Variants in STARD9 observed in about 807,000 individuals in gnomAD.
STARD9 encodes the protein StAR related lipid transfer domain containing 9, also known as stAR-related lipid transfer protein 9.
STARD9 carries 346 observed loss-of-function variants against 399.8 expected under a neutral mutation model. That is an observed-to-expected ratio of 0.87 (90% CI 0.79 to 0.95). STARD9 has a LOEUF of 0.95. Among genes scored for constraint, STARD9 ranks in the 40% least tolerant of loss-of-function variants. The probability of loss-of-function intolerance (pLI) is 0.00; values close to 1 mark genes in which losing one functional copy is unlikely to be tolerated. For synonymous variants in STARD9, 2,203 were observed against 2,143.5 expected, an observed-to-expected ratio of 1.03 and a Z score of -0.77; for missense variants, 5,832 against 5,667.5, an observed-to-expected ratio of 1.03 and a Z score of -0.93.
At chr15:42,637,740 G>A (rs1475751222) in intron 4 of STARD9, among the ~76,000 whole-genome samples, 167 bp from the exon 5 acceptor site, 3 of 152,132 alleles carry the variant, frequency 2.0e-5, no homozygotes, top group Non-Finnish European at 4.4e-5. Flanking sequence ...CAGAGCACTG[G>A]CACATAAAAG....
Position 42,694,330 on chromosome 15 carries a change from A to G in STARD9, c.12752A>G (p.Glu4251Gly), listed in dbSNP as rs1300141056. 1 of 1,524,418 alleles carries G rather than the reference A, an allele frequency of 6.6e-7. No individual in the cohort carries two copies. Among genetic ancestry groups the G allele is most frequent in the Non-Finnish European group, 8.8e-7 (1 of 1,139,522 alleles). The allele number at this position is 1,524,418 out of a possible 1,614,324, so 94.4% of individuals were successfully genotyped here. A position where few individuals can be genotyped will look rare whatever the true frequency, so the allele number is the denominator to read the frequency against. ...GAACCTGTGACATCCACCTGGAAGG[A>G]GCTCTATGCACGGTAAGGACCCCCA... Reference protein sequence around the residue: ...ADEPVTSTWKELYARQKKAIE... With the variant: ...ADEPVTSTWKGLYARQKKAIE... Residue 4251 changes from glutamate (E) to glycine (G), a missense_variant, in exon 23 of 33, where the codon GAG becomes GGG. Coordinates refer to ENST00000290607, the MANE Select transcript of STARD9 (RefSeq NM_020759.3).
intron 26 of STARD9, among the ~76,000 whole-genome samples, chr15:42,700,982 C>A (rs532584458): frequency 3.3e-5 from 5 of 152,220 alleles, no homozygotes; most frequent in African/African-American, 1.2e-4. Flanking sequence ...ATGTGGATAT[C>A]CAGTTTTCTC....
Position 42,661,256 on chromosome 15 carries a change from A to C in STARD9, c.770+31A>C, listed in dbSNP as rs552708360. 724 of 1,439,336 alleles carry C rather than the reference A, an allele frequency of 5.0e-4. 1 individual carries two copies. Among genetic ancestry groups the C allele is most frequent in the Non-Finnish European group, 6.2e-4 (656 of 1,057,910 alleles). The allele number at this position is 1,439,336 out of a possible 1,614,324, so 89.2% of individuals were successfully genotyped here. ...TAGGATTTTAAAGCTAAGGGGAATT[A>C]CTCTTGTTCTTGCCTGTTTTACAGG... On this transcript the variant is annotated intron_variant, in intron 10 of 32. Coordinates refer to ENST00000290607, the MANE Select transcript of STARD9 (RefSeq NM_020759.3).
At chr15:42,628,413 T>C (rs558299614) in intron 3 of STARD9, among the ~76,000 whole-genome samples, 1 of 152,354 alleles carries the variant, frequency 6.6e-6, no homozygotes, top group East Asian at 1.9e-4. Flanking sequence ...TCCTTTGCTA[T>C]GCAGAAGCTT....
At position 42,686,072 on chromosome 15, in the gene STARD9, T is replaced by C. The variant is rs2060548646; in HGVS notation, c.4494T>C (p.Pro1498=). Residue 1498 remains proline (P), a synonymous_variant, in exon 23 of 33, where the codon CCT becomes CCC. Coordinates refer to ENST00000290607, the MANE Select transcript of STARD9 (RefSeq NM_020759.3). The part of the protein sequence containing the change: ...QQKYLLELSC[P]VLEAIGAPKP... ...AGTACCTCCTTGAACTCTCTTGTCC[T>C]GTTTTGGAGGCCATAGGAGCACCCA... 2.0e-6 allele frequency: 3 copies of C among 1,537,148 alleles called. No homozygotes were observed. The African/African-American group carries it at 4.1e-5, about 21-fold the overall frequency.
intron 1 of STARD9, among the ~76,000 whole-genome samples, chr15:42,580,312 TAGTTTTA>T (rs1417544253): frequency 2.1e-4 from 32 of 152,164 alleles, no homozygotes; most frequent in Non-Finnish European, 3.2e-4. Flanking sequence ...TCCCCCCTGC[TAGTTTTA>T]AAGACCCCAA....
At chr15:42,611,825 C>A (rs1374139715) in intron 3 of STARD9, among the ~76,000 whole-genome samples, 1 of 152,178 alleles carries the variant, frequency 6.6e-6, no homozygotes, top group Non-Finnish European at 1.5e-5. Flanking sequence ...TCAGCAGTCA[C>A]ACAGCCAAGC....
At position 42,685,946 on chromosome 15, in the gene STARD9, A is replaced by T. The variant is rs145900049; in HGVS notation, c.4368A>T (p.Ala1456=). The change falls in exon 23 of 33, where the codon GCA becomes GCT. Residue 1456 remains alanine (A), a synonymous_variant. Coordinates refer to ENST00000290607, the MANE Select transcript of STARD9 (RefSeq NM_020759.3). The stretch of plus-strand genomic sequence containing the variant: ...TGACCCAGCAGGGCAGCTCTGAAGC[A>T]TCCCACAATTCTAGCGTATCAAACG... ...PDMTQQGSSE[A]SHNSSVSNVL... The T allele has an allele frequency of 2.7e-4, 413 of 1,537,178 alleles. 1 individual carries two copies. The African/African-American group carries it at 5.3e-3, about 20-fold the overall frequency.
At chr15:42,663,695 A>G (rs2060033378) in intron 12 of STARD9, 125 bp from the exon 13 acceptor site, 3 of 840,364 alleles carry the variant, frequency 3.6e-6, no homozygotes, top group South Asian at 1.6e-5. Flanking sequence ...AGAAAGGGCC[A>G]TGACCACCTA....
At chr15:42,608,944 A>G (rs1436193604) in intron 3 of STARD9, among the ~76,000 whole-genome samples, 1 of 152,228 alleles carries the variant, frequency 6.6e-6, no homozygotes. Flanking sequence ...GTGTTAACCG[A>G]GCATGCACTG....
chr15:42,660,942 T>A (rs947844947), intron 9 of STARD9, among the ~76,000 whole-genome samples: 1 of 141,676 alleles, frequency 7.1e-6, no homozygotes, highest in Non-Finnish European at 1.5e-5. Context: ...TGCTGGTGTT[T>A]TTTGTTTTGT....
At chr15:42,623,243 ACT>A (rs1378156457) in intron 3 of STARD9, among the ~76,000 whole-genome samples, 2 of 151,342 alleles carry the variant, frequency 1.3e-5, no homozygotes, top group Non-Finnish European at 2.9e-5. Flanking sequence ...CAAGAGCGAA[ACT>A]CTGTCTCAAA....
rs1461010186 is a variant in STARD9 at position 42,665,643 on chromosome 15, A to G, written c.1255-143A>G. 4.1e-6 allele frequency: 3 copies of G among 739,220 alleles called. No homozygotes were observed. In the African/African-American group the frequency reaches 5.3e-5, roughly 13 times the overall value. 45.8% of individuals were successfully genotyped at this position (739,220 alleles called of 1,614,324 possible). On this transcript the variant is annotated intron_variant, in intron 14 of 32. Transcript: ENST00000290607. Reference sequence around the variant, plus strand: ...TCCATCTTTGTACCAATATGAGCCCAAATACTTAGGCTCCTGATTTCTTAT... The same window carrying G: ...TCCATCTTTGTACCAATATGAGCCCGAATACTTAGGCTCCTGATTTCTTAT...
rs1290574035 is a variant in STARD9 at position 42,694,573 on chromosome 15, A to G, written c.12810A>G (p.Arg4270=). Residue 4270 remains arginine (R), a synonymous_variant, in exon 24 of 33, where the codon CGA becomes CGG. Transcript: ENST00000290607. ...CCCTCAGGAGAGAGCGGGCTGAGCG[A>G]CTTGGGAACTTCTGCCGGACGCGAA... ...IETLRRERAE[R]LGNFCRTRSL... The G allele has an allele frequency of 6.5e-7, 1 of 1,537,216 alleles. No homozygotes were observed. Among genetic ancestry groups the G allele is most frequent in the Admixed American group, 2.0e-5 (1 of 51,002 alleles).
intron 1 of STARD9, among the ~76,000 whole-genome samples, 189 bp from the exon 2 acceptor site, chr15:42,583,157 G>A (rs1222091957): frequency 3.3e-5 from 5 of 152,206 alleles, no homozygotes; most frequent in African/African-American, 1.2e-4. Flanking sequence ...GAGCCAAATT[G>A]TAAAGATCCA....
intron 7 of STARD9, among the ~76,000 whole-genome samples, chr15:42,639,614 T>C (rs925835381): frequency 5.3e-5 from 8 of 152,156 alleles, no homozygotes; most frequent in Non-Finnish European, 1.2e-4. Flanking sequence ...GTAATCCCAA[T>C]GCTTTGGGAG....
intron 20 of STARD9, 40 bp from the exon 21 acceptor site, chr15:42,681,382 T>G: frequency 1.3e-6 from 2 of 1,517,860 alleles, no homozygotes; most frequent in Non-Finnish European, 1.8e-6. Context: ...GAGCTTGGTT[T>G]GCATTTCCCC....
intron 26 of STARD9, among the ~76,000 whole-genome samples, chr15:42,704,137 C>G (rs557266111): frequency 2.1e-4 from 32 of 152,262 alleles, no homozygotes; most frequent in Middle Eastern, 3.4e-3. Flanking sequence ...TCTCGAACTC[C>G]TGACCTCAGG....
At position 42,669,252 on chromosome 15, in the gene STARD9, G is replaced by C. The variant is rs774668893; in HGVS notation, c.1412G>C (p.Gly471Ala). Residue 471 changes from glycine (G) to alanine (A), a missense_variant, in exon 16 of 33, where the codon GGG becomes GCG. By Grantham distance (60) the Gly-to-Ala change is moderately conservative. This residue lies in a region of STARD9 where 5,828 missense variants were observed against 5,651.1 expected (regional missense o/e 1.03). Transcript: ENST00000290607. The part of the protein sequence containing the change: ...YSVDINRRRA[G>A]VVIDSSLPHL... ...GTGGACATCAACAGGAGGAGGGCTG[G>C]GGTGGTCATCGACTCCAGCCTGCCA... 6.5e-7 allele frequency: 1 copy of C among 1,537,112 alleles called. No homozygotes were observed. Among genetic ancestry groups the C allele is most frequent in the Non-Finnish European group, 8.7e-7 (1 of 1,146,804 alleles).
Sources: gnomAD v4.1 joint callset for allele counts (sites outside exome capture counted in the v4.1 genomes callset) on GRCh38, gnomAD v4.1.1 for gene constraint, gnomAD v4.1.1 regional missense constraint, MANE v1.5 for transcripts, NCBI Gene and HGNC (gene_info 2026-07-23, HGNC 2026-07-21) for gene names.